CIROZ: variants seen among roughly 807,000 people sequenced by gnomAD.
CIROZ encodes the protein ciliated left-right organizer protein containing ZP-N domains.
At chr1:10,958,800 G>T in the CIROZ span, 1 of 1,604,952 alleles carries the variant, frequency 6.2e-7, no homozygotes, top group African/African-American at 1.3e-5. Flanking sequence ...GGTGAGCAAA[G>T]GTGAGCAAAC....
chr1:10,953,661 T>C, the CIROZ span, among the ~76,000 whole-genome samples: 1 of 152,184 alleles, frequency 6.6e-6, no homozygotes, highest in East Asian at 1.9e-4. Context: ...GTCCTCAAAA[T>C]AGGTACTGGT....
chr1:10,954,842 C>A, the CIROZ span: 1 of 828,140 alleles, frequency 1.2e-6, no homozygotes, highest in Non-Finnish European at 1.8e-6. Context: ...ACGCTCCGGC[C>A]TCGGCTTCCC....
chr1:10,953,751 G>C, the CIROZ span, among the ~76,000 whole-genome samples: 1 of 152,170 alleles, frequency 6.6e-6, no homozygotes, highest in African/African-American at 2.4e-5. Context: ...GTTAGGAAAT[G>C]GATGCACCCC....
the CIROZ span, among the ~76,000 whole-genome samples, chr1:10,977,045 G>T: frequency 6.6e-6 from 1 of 152,058 alleles, no homozygotes; most frequent in Admixed American, 6.6e-5. Context: ...TGTAGTCTCA[G>T]CTACTCAGGA....
At chr1:10,961,561 G>A in the CIROZ span, among the ~76,000 whole-genome samples, 1 of 152,126 alleles carries the variant, frequency 6.6e-6, no homozygotes, top group Non-Finnish European at 1.5e-5. Flanking sequence ...AGAAGAAAGC[G>A]ATAAGCTCTT....
chr1:10,963,366 G>A, the CIROZ span, among the ~76,000 whole-genome samples: 1 of 152,062 alleles, frequency 6.6e-6, no homozygotes, highest in African/African-American at 2.4e-5. Context: ...TCCAGCCTGG[G>A]CAACAGAGCA....
the CIROZ span, among the ~76,000 whole-genome samples, chr1:10,972,984 G>A: frequency 3.9e-5 from 6 of 152,122 alleles, no homozygotes; most frequent in African/African-American, 9.7e-5. Flanking sequence ...TTTACCTGGG[G>A]CATTGGGCCT....
chr1:10,966,335 A>G, the CIROZ span: 1 of 1,500,180 alleles, frequency 6.7e-7, no homozygotes, highest in Non-Finnish European at 8.8e-7. Flanking sequence ...AAAAAAAAAA[A>G]AAGAAAAGTT....
the CIROZ span, among the ~76,000 whole-genome samples, chr1:10,972,108 C>T: frequency 3.3e-5 from 5 of 152,316 alleles, no homozygotes; most frequent in Admixed American, 3.3e-4. Flanking sequence ...TACTCTAGTA[C>T]AGAACACTGG....
the CIROZ span, chr1:10,948,619 C>T: frequency 1.9e-6 from 3 of 1,614,026 alleles, no homozygotes; most frequent in Non-Finnish European, 2.5e-6. Flanking sequence ...AGGGTCAGAG[C>T]CGGGTGCGTT....
At chr1:10,967,856 C>T in the CIROZ span, among the ~76,000 whole-genome samples, 1 of 152,156 alleles carries the variant, frequency 6.6e-6, no homozygotes, top group Non-Finnish European at 1.5e-5. Context: ...CACCTGTAGT[C>T]TCAGCTACTC....
the CIROZ span, chr1:10,957,118 A>AG: frequency 7.1e-6 from 11 of 1,547,412 alleles, no homozygotes; most frequent in Admixed American, 7.9e-5. Context: ...CTGGGGAGGA[A>AG]GGGGGGTCCC....
the CIROZ span, among the ~76,000 whole-genome samples, chr1:10,956,071 G>A: frequency 1.1e-4 from 17 of 152,074 alleles, no homozygotes; most frequent in Admixed American, 1.1e-3. Context: ...CCAGAGCCCT[G>A]AGCCCTGATC....
the CIROZ span, among the ~76,000 whole-genome samples, chr1:10,959,240 C>T: frequency 1.3e-5 from 2 of 152,186 alleles, no homozygotes; most frequent in East Asian, 3.9e-4. The surrounding 1 kb of genome is among the most constrained non-coding windows in gnomAD (Gnocchi z 4.3). Context: ...GGGGCACCAA[C>T]CATCCCGGTT....
chr1:10,980,900 C>T, the CIROZ span, among the ~76,000 whole-genome samples: 2 of 152,240 alleles, frequency 1.3e-5, no homozygotes, highest in Non-Finnish European at 2.9e-5. Context: ...GGACAGGGCC[C>T]GGACCTCCCC....
chr1:10,955,178 G>T, the CIROZ span: 56 of 1,601,596 alleles, frequency 3.5e-5, no homozygotes, highest in African/African-American at 7.4e-4. Flanking sequence ...GACTCTGGCT[G>T]GAATGACACT....
chr1:10,965,777 T>C, the CIROZ span, among the ~76,000 whole-genome samples: 8 of 150,300 alleles, frequency 5.3e-5, no homozygotes, highest in African/African-American at 2.0e-4. Context: ...GAGCCGAGAT[T>C]GCGTCACTGC....
At chr1:10,981,857 G>A in the CIROZ span, among the ~76,000 whole-genome samples, 1 of 152,160 alleles carries the variant, frequency 6.6e-6, no homozygotes, top group East Asian at 1.9e-4. Context: ...CCTTCCCAAG[G>A]CATCCATGCA....
the CIROZ span, among the ~76,000 whole-genome samples, chr1:10,979,101 C>T: frequency 2.6e-5 from 4 of 152,262 alleles, no homozygotes; most frequent in East Asian, 1.9e-4. Flanking sequence ...AAGTGATTCT[C>T]GTGCCTCAGC....
Sources: allele counts gnomAD v4.1 joint callset (sites outside exome capture counted in the v4.1 genomes callset), GRCh38; gene constraint gnomAD v4.1.1; non-coding constraint Gnocchi (gnomAD v3.1); transcripts MANE v1.5; gene names NCBI Gene and HGNC (gene_info 2026-07-23, HGNC 2026-07-21).